LRP1B: variants seen among roughly 807,000 people sequenced by gnomAD.
LRP1B encodes the protein LDL receptor related protein 1B, also known as low-density lipoprotein receptor-related protein 1B.
Under a neutral mutation model 556.6 loss-of-function variants are expected in LRP1B, and 217 were observed. That is an observed-to-expected ratio of 0.39 (90% CI 0.35 to 0.44). LRP1B has a LOEUF of 0.44. Ranked by LOEUF, LRP1B falls within the 20% of genes least tolerant of loss-of-function variation. LRP1B has a pLI of 1.00. For synonymous variants in LRP1B, 2,047 were observed against 1,865.8 expected (o/e 1.10, Z -2.50); for missense variants, 5,053 against 5,620.8 (o/e 0.90, Z 3.23).
intron 77 of LRP1B, among the ~76,000 whole-genome samples, chr2:140,339,029 T>C (rs1681241626): frequency 6.6e-6 from 1 of 151,778 alleles, no homozygotes; most frequent in African/African-American, 2.4e-5. Flanking sequence ...ACATTTTGAC[T>C]GCTTTCTTCA....
At chr2:140,911,148 A>T (rs76917806) in intron 21 of LRP1B, among the ~76,000 whole-genome samples, 7,076 of 151,926 alleles carry the variant, frequency 0.047, 186 homozygotes, top group Non-Finnish European at 0.052. Context: ...TAATTAATTT[A>T]AAAAAGGCAT....
chr2:140,491,379 T>TTA (rs897266684), intron 57 of LRP1B, among the ~76,000 whole-genome samples: 26 of 151,856 alleles, frequency 1.7e-4, no homozygotes, highest in Middle Eastern at 3.4e-3. Context: ...TATATACAGC[T>TTA]TATATATATA....
intron 59 of LRP1B, among the ~76,000 whole-genome samples, chr2:140,477,552 G>A (rs1300510167): frequency 6.6e-6 from 1 of 152,056 alleles, no homozygotes; most frequent in Non-Finnish European, 1.5e-5. Flanking sequence ...ATCAGTACAT[G>A]TGATCAATGC....
At chr2:141,310,021 A>T (rs569765838) in intron 3 of LRP1B, among the ~76,000 whole-genome samples, 1 of 152,174 alleles carries the variant, frequency 6.6e-6, no homozygotes. Context: ...CATTTTGTTA[A>T]GGCAGCCTTG....
intron 1 of LRP1B, among the ~76,000 whole-genome samples, chr2:141,842,966 T>C (rs1452402565): frequency 2.0e-5 from 3 of 152,066 alleles, no homozygotes; most frequent in African/African-American, 4.8e-5. Context: ...CTAATGAAAA[T>C]CATTTAAAAA....
intron 70 of LRP1B, 90 bp from the exon 71 acceptor site, chr2:140,370,932 C>A: frequency 7.5e-7 from 1 of 1,329,554 alleles, no homozygotes; most frequent in Non-Finnish European, 1.0e-6. Context: ...AATACTAGAG[C>A]TTTATTATAC....
intron 6 of LRP1B, among the ~76,000 whole-genome samples, chr2:141,220,994 C>G (rs923873025): frequency 8.5e-5 from 13 of 152,088 alleles, no homozygotes; most frequent in Non-Finnish European, 1.8e-4. Flanking sequence ...TATGAAGCAA[C>G]TACATTAACA....
intron 2 of LRP1B, among the ~76,000 whole-genome samples, chr2:141,690,396 AATATATATATATATATATATAT>A (rs762453747): frequency 3.7e-5 from 1 of 26,936 alleles, no homozygotes; most frequent in Non-Finnish European, 7.7e-5. Context: ...TACATCTATA[AATATATATATATATATATATAT>A]ATATATATAT....
chr2:140,711,852 C>T (rs754206575), intron 37 of LRP1B, among the ~76,000 whole-genome samples: 22 of 152,136 alleles, frequency 1.4e-4, no homozygotes, highest in Non-Finnish European at 2.9e-4. Context: ...CACTCCATCC[C>T]CGAAGGGGAA....
intron 85 of LRP1B, 65 bp downstream of exon 85, chr2:140,274,359 T>A: frequency 1.4e-6 from 2 of 1,395,734 alleles, no homozygotes; most frequent in Admixed American, 3.6e-5. Context: ...TTACTATTTA[T>A]TACTGAACTG....
chr2:141,449,287 A>C (rs1681317093), intron 3 of LRP1B, among the ~76,000 whole-genome samples: 1 of 152,196 alleles, frequency 6.6e-6, no homozygotes, highest in Non-Finnish European at 1.5e-5. Context: ...TGTAATTTCA[A>C]TTACAATGTT....
In LRP1B at chr2:140,641,920, A is replaced by G. The variant is rs534587975; in HGVS notation, c.6800-40281T>C. Among the ~76,000 whole-genome samples the G allele has an allele frequency of 1.8e-4, 28 of 152,366 alleles. 2 individuals carry two copies. Among genetic ancestry groups the G allele is most frequent in the African/African-American group, 6.0e-4 (25 of 41,592 alleles). On this transcript the variant is annotated intron_variant, in intron 41 of 90. Transcript: ENST00000389484. Reference sequence around the variant, plus strand: ...CTTATTTAAGGGGAAACAAAAAATCATTCAAGAATCCAGAACAATGTAGCA... The same window carrying G: ...CTTATTTAAGGGGAAACAAAAAATCGTTCAAGAATCCAGAACAATGTAGCA...
At chr2:140,411,681 T>C (rs1684975270) in intron 66 of LRP1B, among the ~76,000 whole-genome samples, 1 of 152,110 alleles carries the variant, frequency 6.6e-6, no homozygotes, top group African/African-American at 2.4e-5. Context: ...GCAGACTTCT[T>C]TCTGATTCTC....
intron 1 of LRP1B, among the ~76,000 whole-genome samples, chr2:142,073,944 T>G (rs747460191): frequency 3.3e-5 from 5 of 152,050 alleles, no homozygotes; most frequent in Non-Finnish European, 7.4e-5. Context: ...CCATGCTTCC[T>G]GTACAGCTTG....
chr2:142,013,200 T>A (rs1364760103), intron 1 of LRP1B, among the ~76,000 whole-genome samples: 1 of 152,174 alleles, frequency 6.6e-6, no homozygotes, highest in African/African-American at 2.4e-5. Flanking sequence ...TTACTTTTTT[T>A]TCAATTAAGA....
intron 1 of LRP1B, among the ~76,000 whole-genome samples, chr2:142,089,544 C>G (rs1245223259): frequency 6.6e-6 from 1 of 152,146 alleles, no homozygotes; most frequent in Admixed American, 6.5e-5. Context: ...CCAGGTCTTA[C>G]ATTTAAAACA....
chr2:140,304,989 G>T (rs1411468892), intron 83 of LRP1B, among the ~76,000 whole-genome samples: 1 of 152,004 alleles, frequency 6.6e-6, no homozygotes, highest in Non-Finnish European at 1.5e-5. Context: ...TATTTCTGAG[G>T]GCTCTGTTCT....
chr2:141,307,619 AG>A (rs974209512), intron 3 of LRP1B, among the ~76,000 whole-genome samples: 2 of 152,080 alleles, frequency 1.3e-5, no homozygotes, highest in African/African-American at 4.8e-5. Context: ...ATCCAAGGTT[AG>A]GATGCAGTTG....
chr2:140,657,648 TATAC>T (rs1261605619), intron 41 of LRP1B, among the ~76,000 whole-genome samples: 2 of 148,060 alleles, frequency 1.4e-5, no homozygotes, highest in African/African-American at 2.5e-5. Flanking sequence ...TACATACATA[TATAC>T]ATACATATAT....
Sources: allele counts gnomAD v4.1 joint callset (sites outside exome capture counted in the v4.1 genomes callset), GRCh38; gene constraint gnomAD v4.1.1; transcripts MANE v1.5; gene names NCBI Gene and HGNC (gene_info 2026-07-23, HGNC 2026-07-21).